SMG6: variants seen among roughly 807,000 people sequenced by gnomAD.
SMG6 encodes SMG6 nonsense mediated mRNA decay factor, also known as telomerase-binding protein EST1A.
A neutral mutation model predicts 142.2 loss-of-function variants in SMG6; 66 were observed. The observed-to-expected ratio is 0.46, with a 90% CI of 0.38 to 0.57. The LOEUF (loss-of-function observed/expected upper bound fraction) is 0.57, where lower values mean the gene tolerates loss of function less well. SMG6 is among the 20% of genes least tolerant of loss of function. SMG6 has a pLI of 0.00. For missense variants in SMG6, 1,793 were observed against 1,832.0 expected, an observed-to-expected ratio of 0.98 and a Z score of 0.39; for synonymous variants, 779 against 702.4, an observed-to-expected ratio of 1.11 and a Z score of -1.72.
At position 2,271,106 on chromosome 17, in the gene SMG6, T is replaced by C. The variant is rs1243500423; in HGVS notation, c.2661+11541A>G. On this transcript the variant is annotated intron_variant, in intron 8 of 18. Coordinates refer to ENST00000263073, the MANE Select transcript of SMG6 (RefSeq NM_017575.5). ...TTGAGTCCAGGAAATTGTTCTTCTG[T>C]TTTTTTCTGGTTTTTTTTTTTTTTT... 9.4e-5 allele frequency among the ~76,000 whole-genome samples: 14 copies of C among 149,052 alleles called. No homozygotes were observed. The Admixed American group carries it at 9.4e-4, about 10-fold the overall frequency.
chr17:2,268,027 G>A (rs926226084), intron 8 of SMG6, among the ~76,000 whole-genome samples: 4 of 152,030 alleles, frequency 2.6e-5, no homozygotes, highest in African/African-American at 4.8e-5. Context: ...GATTACAGGC[G>A]TGAGCCACTG....
intron 8 of SMG6, among the ~76,000 whole-genome samples, chr17:2,270,264 G>A (rs751344973): frequency 3.3e-5 from 5 of 152,154 alleles, no homozygotes; most frequent in Non-Finnish European, 5.9e-5. Flanking sequence ...AATAATGCAA[G>A]AGAAGAAAAA....
intron 13 of SMG6, among the ~76,000 whole-genome samples, chr17:2,167,131 CAAAAAAAAAAAAA>C (rs57898779): frequency 5.6e-5 from 2 of 35,706 alleles, no homozygotes; most frequent in Admixed American, 5.1e-4. Context: ...GACTCCATCT[CAAAAAAAAAAAAA>C]AAAAAAAAAA....
intron 11 of SMG6, 140 bp from the exon 12 acceptor site, chr17:2,186,971 G>A (rs995599950): frequency 7.1e-6 from 6 of 840,814 alleles, no homozygotes; most frequent in South Asian, 5.5e-5. Flanking sequence ...GAGGACAAGC[G>A]CCAGCACCTA....
intron 14 of SMG6, among the ~76,000 whole-genome samples, chr17:2,082,712 G>C (rs1413329227): frequency 6.6e-6 from 1 of 152,196 alleles, no homozygotes; most frequent in East Asian, 1.9e-4. Flanking sequence ...GTGGTCCCAG[G>C]CTCCATTCCT....
intron 13 of SMG6, among the ~76,000 whole-genome samples, chr17:2,091,458 G>C (rs1405865824): frequency 6.6e-6 from 1 of 152,152 alleles, no homozygotes; most frequent in African/African-American, 2.4e-5. Flanking sequence ...GGTCAGAGAG[G>C]AGGGAAAGAA....
chr17:2,160,886 T>C (rs999285676), intron 13 of SMG6, among the ~76,000 whole-genome samples: 3 of 151,990 alleles, frequency 2.0e-5, no homozygotes, highest in Non-Finnish European at 4.4e-5. Context: ...TATATATTCT[T>C]TTACATATAT....
chr17:2,291,484 G>A (rs2075035766), intron 6 of SMG6, among the ~76,000 whole-genome samples: 1 of 151,990 alleles, frequency 6.6e-6, no homozygotes, highest in Non-Finnish European at 1.5e-5. Flanking sequence ...TGCAAAGAGG[G>A]CGGGAAAAAA....
chr17:2,103,706 C>A (rs1170462992), intron 13 of SMG6, among the ~76,000 whole-genome samples: 1 of 152,184 alleles, frequency 6.6e-6, no homozygotes, highest in Non-Finnish European at 1.5e-5. Context: ...CCCATGACCA[C>A]CTCCAACACC....
chr17:2,082,355 C>G (rs1242404830), intron 14 of SMG6: 1 of 178,392 alleles, frequency 5.6e-6, no homozygotes, highest in Non-Finnish European at 1.2e-5. Flanking sequence ...AACCACCCAA[C>G]TTAAATCTAA....
Position 2,059,939 on chromosome 17 carries a change from C to A in SMG6, c.*1553G>T, listed in dbSNP as rs1251944383. ...GTCTCCCTCCCGACCACCCAGTCAT[C>A]GGCCTTCCAGCTGGGGAGAGAATCT... is the stretch of plus-strand genomic sequence containing the variant. On this transcript the variant is annotated 3_prime_UTR_variant, in exon 19 of 19. Coordinates refer to ENST00000263073, the MANE Select transcript of SMG6 (RefSeq NM_017575.5). The A allele has an allele frequency of 6.5e-6, 1 of 153,012 alleles. No homozygotes were observed. The highest frequency in any genetic ancestry group is 2.4e-5 in the African/African-American group (1 of 41,456). 9.5% of individuals were successfully genotyped at this position (153,012 alleles called of 1,614,324 possible). A position where few individuals can be genotyped will look rare whatever the true frequency, so the allele number is the denominator to read the frequency against.
chr17:2,067,549 C>T (rs1477174561), intron 16 of SMG6, among the ~76,000 whole-genome samples: 1 of 152,186 alleles, frequency 6.6e-6, no homozygotes, highest in Non-Finnish European at 1.5e-5. Context: ...CCTGGGACAA[C>T]GTGATGGTTC....
chr17:2,143,857 T>C (rs187247555), intron 13 of SMG6, among the ~76,000 whole-genome samples: 3 of 152,264 alleles, frequency 2.0e-5, no homozygotes, highest in Admixed American at 1.3e-4. Context: ...TTTAGATTTT[T>C]TTCTCCACAA....
At position 2,091,497 on chromosome 17, in the gene SMG6, G is replaced by A. The variant is rs2068713453; in HGVS notation, c.3358-5596C>T. Among the ~76,000 whole-genome samples, 3 of 152,100 alleles carry A rather than the reference G, an allele frequency of 2.0e-5. No individual in the cohort carries two copies. The South Asian group carries it at 6.2e-4, about 32-fold the overall frequency. Reference sequence around the variant, plus strand: ...ACCTGTGCAGGGGCTGAATGATAAGGGGGACAGAGTGAGAAAAAGCACACA... The same window carrying A: ...ACCTGTGCAGGGGCTGAATGATAAGAGGGACAGAGTGAGAAAAAGCACACA... On this transcript the variant is annotated intron_variant, in intron 13 of 18. Coordinates refer to ENST00000263073, the MANE Select transcript of SMG6 (RefSeq NM_017575.5).
In SMG6 at chr17:2,074,013, C is replaced by T. The variant is rs140413158; in HGVS notation, c.3682-5082G>A. Among the ~76,000 whole-genome samples the T allele has an allele frequency of 4.4e-3, 659 of 151,488 alleles. 6 individuals carry two copies. Among genetic ancestry groups the T allele is most frequent in the African/African-American group, 0.013 (548 of 41,358 alleles). Reference sequence around the variant, plus strand: ...AGAATCGCTTAAACCCGGGAGGCAGCGGTTACAGTGAGCCGAGACCATGCC... The same window carrying T: ...AGAATCGCTTAAACCCGGGAGGCAGTGGTTACAGTGAGCCGAGACCATGCC... On this transcript the variant is annotated intron_variant, in intron 15 of 18. Coordinates refer to ENST00000263073, the MANE Select transcript of SMG6 (RefSeq NM_017575.5).
chr17:2,163,495 G>C (rs926790171), intron 13 of SMG6, among the ~76,000 whole-genome samples: 4 of 152,204 alleles, frequency 2.6e-5, no homozygotes, highest in Admixed American at 1.3e-4. Flanking sequence ...TCTTCATTTT[G>C]TTTGATTCTA....
chr17:2,247,061 C>T lies in SMG6; in HGVS notation c.2662-2342G>A, dbSNP rs369684493. Among the ~76,000 whole-genome samples, 343 of 152,322 alleles carry T rather than the reference C, an allele frequency of 2.3e-3. 4 individuals are homozygous for T. Among genetic ancestry groups the T allele is most frequent in the South Asian group, 0.021 (100 of 4,832 alleles). ...TTAGTGGCGAAACCTGGCCAGAATG[C>T]AGATCTCTAGATTTCCTAGTAGAGG... is the stretch of plus-strand genomic sequence containing the variant. On this transcript the variant is annotated intron_variant, in intron 8 of 18. Coordinates refer to ENST00000263073, the MANE Select transcript of SMG6 (RefSeq NM_017575.5).
chr17:2,110,820 T>A (rs573269156), intron 13 of SMG6, among the ~76,000 whole-genome samples: 1 of 152,244 alleles, frequency 6.6e-6, no homozygotes, highest in East Asian at 1.9e-4. Flanking sequence ...CCCAGAGGAA[T>A]CAATATCAGG....
At chr17:2,230,223 G>GAAAAAAAAAAAAAAAAAAAAAAAAAAA (rs1191699477) in intron 10 of SMG6, among the ~76,000 whole-genome samples, 1 of 17,606 alleles carries the variant, frequency 5.7e-5, no homozygotes, top group African/African-American at 2.9e-4. Context: ...AAAAAAAAAG[G>GAAAAAAAAAAAAAAAAAAAAAAAAAAA]AAAAGAAAGG....
Sources: allele counts gnomAD v4.1 joint callset (sites outside exome capture counted in the v4.1 genomes callset), GRCh38; gene constraint gnomAD v4.1.1; transcripts MANE v1.5; gene names NCBI Gene and HGNC (gene_info 2026-07-23, HGNC 2026-07-21).